ADAMTSL1: variants seen among roughly 807,000 people sequenced by gnomAD.
ADAMTSL1 encodes ADAMTS like 1.
A neutral mutation model predicts 201.8 loss-of-function variants in ADAMTSL1; 126 were observed. The observed-to-expected ratio is 0.62, with a 90% CI of 0.54 to 0.72. ADAMTSL1 has a LOEUF of 0.72. Among genes scored for constraint, ADAMTSL1 ranks in the 30% least tolerant of loss-of-function variants. ADAMTSL1 has a pLI of 0.00. For missense variants in ADAMTSL1, 2,679 were observed against 2,277.8 expected, an observed-to-expected ratio of 1.18 and a Z score of -3.59; for synonymous variants, 1,121 against 903.4, an observed-to-expected ratio of 1.24 and a Z score of -4.32.
At position 18,852,287 on chromosome 9, in the gene ADAMTSL1, A is replaced by C. The variant is rs1057348224; in HGVS notation, c.4249+22310A>C. ...TAAAATGGAGGCAATAACTGCATAT[A>C]CCTCCAGGGTTTTTGAAAGGAATAA... is the stretch of plus-strand genomic sequence containing the variant. On this transcript the variant is annotated intron_variant, in intron 23 of 28. Coordinates refer to ENST00000380548, the MANE Select transcript of ADAMTSL1 (RefSeq NM_001040272.6). Among the ~76,000 whole-genome samples the C allele has an allele frequency of 7.9e-5, 12 of 152,242 alleles. No homozygotes were observed. The East Asian group carries it at 1.9e-3, about 24-fold the overall frequency.
intron 1 of ADAMTSL1, among the ~76,000 whole-genome samples, chr9:18,062,411 A>G (rs1822498675): frequency 6.6e-6 from 1 of 152,114 alleles, no homozygotes; most frequent in Non-Finnish European, 1.5e-5. Flanking sequence ...CTGAATAAAT[A>G]CCATAATAAA....
intron 2 of ADAMTSL1, among the ~76,000 whole-genome samples, chr9:18,468,177 T>A (rs1426812655): frequency 6.6e-6 from 1 of 152,178 alleles, no homozygotes; most frequent in East Asian, 1.9e-4. Context: ...GTTTGTTGAA[T>A]CTAATTCAAT....
At chr9:18,584,367 G>GCC (rs112790269) in intron 4 of ADAMTSL1, among the ~76,000 whole-genome samples, 2,361 of 151,652 alleles carry the variant, frequency 0.016, 37 homozygotes, top group African/African-American at 0.04. Context: ...TGATTGTGAG[G>GCC]CCCCCCCCAG....
chr9:18,720,378 G>A (rs1388271904), intron 14 of ADAMTSL1, among the ~76,000 whole-genome samples: 2 of 152,186 alleles, frequency 1.3e-5, no homozygotes, highest in Admixed American at 6.5e-5. Flanking sequence ...TGCATGCCAA[G>A]CTCTTAGCGT....
chr9:18,338,333 C>T (rs1484777139), intron 2 of ADAMTSL1, among the ~76,000 whole-genome samples: 5 of 152,132 alleles, frequency 3.3e-5, no homozygotes, highest in Non-Finnish European at 5.9e-5. Context: ...CCTTTCCTAC[C>T]TCAGTGGGCT....
chr9:18,174,952 G>A (rs1828072680), intron 2 of ADAMTSL1, among the ~76,000 whole-genome samples: 1 of 152,116 alleles, frequency 6.6e-6, no homozygotes, highest in East Asian at 1.9e-4. Flanking sequence ...TGTTGACAAG[G>A]AAGAAAATGA....
At chr9:17,910,984 G>A (rs1825888876) in intron 1 of ADAMTSL1, among the ~76,000 whole-genome samples, 1 of 68,654 alleles carries the variant, frequency 1.5e-5, no homozygotes, top group African/African-American at 2.9e-5. Context: ...TGTAGATACT[G>A]TAGCTATAGT....
At chr9:18,283,026 A>G (rs1357164638) in intron 2 of ADAMTSL1, among the ~76,000 whole-genome samples, 2 of 152,204 alleles carry the variant, frequency 1.3e-5, no homozygotes, top group African/African-American at 4.8e-5. Flanking sequence ...TACCTTTTCT[A>G]ACAGTTGTTT....
intron 23 of ADAMTSL1, among the ~76,000 whole-genome samples, chr9:18,838,394 C>CAA (rs1825465259): frequency 6.7e-6 from 1 of 148,232 alleles, no homozygotes; most frequent in East Asian, 1.9e-4. Context: ...CACACACACA[C>CAA]ACACACACGC....
At chr9:17,916,795 A>T (rs945563477) in intron 1 of ADAMTSL1, among the ~76,000 whole-genome samples, 2 of 152,166 alleles carry the variant, frequency 1.3e-5, no homozygotes, top group South Asian at 2.1e-4. Context: ...TGAATTTTAG[A>T]ATCAGATTGC....
At chr9:18,172,967 C>A (rs1036732433) in intron 2 of ADAMTSL1, among the ~76,000 whole-genome samples, 2 of 151,982 alleles carry the variant, frequency 1.3e-5, no homozygotes, top group Non-Finnish European at 1.5e-5. Context: ...TTGGGATGTT[C>A]GCTAACCTCT....
rs1403572717 is a variant in ADAMTSL1 at position 18,023,005 on chromosome 9, G to A, written c.87+116083G>A. ...TTTCTCTCCATCTCCCTCTTCCTGT[G>A]CCCTTAAACATTTTTTGTGTGTGTT... On this transcript the variant is annotated intron_variant, in intron 1 of 29. Coordinates refer to the ADAMTSL1 transcript ENST00000680146. Among the ~76,000 whole-genome samples the A allele has an allele frequency of 2.0e-5, 3 of 151,812 alleles. No homozygotes were observed. In the East Asian group the frequency reaches 5.8e-4, roughly 29 times the overall value.
At chr9:18,886,571 A>G (rs934478) in intron 23 of ADAMTSL1, among the ~76,000 whole-genome samples, 77,678 of 152,028 alleles carry the variant, frequency 0.51, 20,441 homozygotes, top group African/African-American at 0.61. Context: ...CAAGTCCCAG[A>G]TCAGTGCAGC....
chr9:18,890,153 C>T (rs78009151), intron 25 of ADAMTSL1, among the ~76,000 whole-genome samples: 159 of 152,274 alleles, frequency 1.0e-3, no homozygotes, highest in African/African-American at 3.8e-3. Flanking sequence ...TTCTGCCCAC[C>T]CTCCAAGTCT....
chr9:18,734,686 A>G (rs1420757430), intron 15 of ADAMTSL1, among the ~76,000 whole-genome samples: 2 of 152,230 alleles, frequency 1.3e-5, no homozygotes, highest in African/African-American at 2.4e-5. Context: ...AATCCAGGTT[A>G]GAGAAGGTGA....
intron 1 of ADAMTSL1, among the ~76,000 whole-genome samples, chr9:18,158,414 C>A (rs1827247659): frequency 1.3e-5 from 2 of 151,782 alleles, no homozygotes; most frequent in Non-Finnish European, 2.9e-5. Flanking sequence ...AATATTCCAA[C>A]CAGGAATGAA....
At chr9:18,036,885 C>T (rs1821222546) in intron 1 of ADAMTSL1, among the ~76,000 whole-genome samples, 1 of 152,126 alleles carries the variant, frequency 6.6e-6, no homozygotes, top group South Asian at 2.1e-4. Flanking sequence ...TAGTGTCCTG[C>T]TATTTTCTGG....
intron 1 of ADAMTSL1, among the ~76,000 whole-genome samples, chr9:17,979,337 C>A (rs1467073398): frequency 6.6e-6 from 1 of 151,940 alleles, no homozygotes; most frequent in Non-Finnish European, 1.5e-5. Flanking sequence ...CTTATAAATT[C>A]CACAGGCTTT....
At chr9:17,975,635 T>G (rs777773915) in intron 1 of ADAMTSL1, among the ~76,000 whole-genome samples, 4 of 152,086 alleles carry the variant, frequency 2.6e-5, no homozygotes, top group Non-Finnish European at 5.9e-5. Context: ...CAGATATGGT[T>G]TGCAAATGTT....
Sources: gnomAD v4.1 joint callset for allele counts (sites outside exome capture counted in the v4.1 genomes callset) on GRCh38, gnomAD v4.1.1 for gene constraint, MANE v1.5 for transcripts, NCBI Gene and HGNC (gene_info 2026-07-23, HGNC 2026-07-21) for gene names.